Variants in PHACTR2 observed in about 807,000 individuals in gnomAD.
The protein encoded by PHACTR2 is phosphatase and actin regulator 2.
PHACTR2 carries 30 observed loss-of-function variants against 76.0 expected under a neutral mutation model. That is an observed-to-expected ratio of 0.39 (90% CI 0.30 to 0.54). PHACTR2 has a LOEUF of 0.54. Among genes scored for constraint, PHACTR2 ranks in the 20% least tolerant of loss-of-function variants. PHACTR2 has a pLI of 0.61. For synonymous variants in PHACTR2, 292 were observed against 292.5 expected (o/e 1.00, Z 0.02); for missense variants, 696 against 781.1 (o/e 0.89, Z 1.30).
At position 143,738,147 on chromosome 6, in the gene PHACTR2, C is replaced by T. The variant is rs1458502931; in HGVS notation, c.215-10838C>T. 6.6e-6 allele frequency among the ~76,000 whole-genome samples: 1 copy of T among 152,174 alleles called. No homozygotes were observed. The highest frequency in any genetic ancestry group is 1.5e-5 in the Non-Finnish European group (1 of 68,030). ...ACATTTTTGGCCAGGCGCTGTGGCC[C>T]ACGCCTGTAATCCTAGCACTTTGGG... On this transcript the variant is annotated intron_variant, in intron 2 of 12. Coordinates refer to ENST00000440869, the MANE Select transcript of PHACTR2 (RefSeq NM_001100164.2). This position sits in a 1 kb window ranked among gnomAD's most constrained non-coding sequence, Gnocchi z 4.0.
chr6:143,573,117 T>A (rs969516978), intron 1 of PHACTR2, among the ~76,000 whole-genome samples: 29 of 152,250 alleles, frequency 1.9e-4, no homozygotes, highest in African/African-American at 6.8e-4. Context: ...TCATTGTATA[T>A]TACATTCGTG....
chr6:143,629,502 T>C (rs985564427), intron 1 of PHACTR2, among the ~76,000 whole-genome samples: 1 of 152,206 alleles, frequency 6.6e-6, no homozygotes, highest in Admixed American at 6.5e-5. Flanking sequence ...GGCATCCTAA[T>C]GGTACCTCTA....
rs981007348 is a variant in PHACTR2, at chr6:143,690,726, A to C, written c.46+12517A>C. The stretch of plus-strand genomic sequence containing the variant: ...TGGGTGATGGTCACACAAGATCTCA[A>C]CTTTGACCTGGCTTGTTGCAATGGT... On this transcript the variant is annotated intron_variant, in intron 1 of 12. Coordinates refer to ENST00000440869, the MANE Select transcript of PHACTR2 (RefSeq NM_001100164.2). Among the ~76,000 whole-genome samples the C allele has an allele frequency of 3.3e-5, 5 of 152,336 alleles. No homozygotes were observed. In the South Asian group the frequency reaches 1.0e-3, roughly 32 times the overall value.
At chr6:143,741,308 C>A (rs1010601445) in intron 2 of PHACTR2, among the ~76,000 whole-genome samples, 5 of 152,066 alleles carry the variant, frequency 3.3e-5, no homozygotes, top group African/African-American at 1.2e-4. Context: ...GCCTGGCCAA[C>A]ATGGCCAAAC....
chr6:143,610,989 G>T lies in PHACTR2; in HGVS notation c.13+2667G>T, dbSNP rs1354113029. On this transcript the variant is annotated intron_variant, in intron 1 of 11. Coordinates refer to the PHACTR2 transcript ENST00000305766. This position sits in a 1 kb window ranked among gnomAD's most constrained non-coding sequence, Gnocchi z 4.9. ...TAGAATGGCACACCTGTGACTACAAGCATCATCAGCATTCTGCCAGTGCCA... is the reference window on the plus strand; with the variant it reads ...TAGAATGGCACACCTGTGACTACAATCATCATCAGCATTCTGCCAGTGCCA... Among the ~76,000 whole-genome samples the T allele has an allele frequency of 6.6e-6, 1 of 151,934 alleles. No individual in the cohort carries two copies. Among genetic ancestry groups the T allele is most frequent in the Non-Finnish European group, 1.5e-5 (1 of 67,994 alleles).
chr6:143,812,826 G>A (rs1427827586), intron 12 of PHACTR2, among the ~76,000 whole-genome samples: 3 of 152,106 alleles, frequency 2.0e-5, no homozygotes, highest in Admixed American at 6.6e-5. Context: ...TTGCATTCTC[G>A]AAGGAGACCA....
At chr6:143,635,995 G>A (rs909897598) in intron 1 of PHACTR2, among the ~76,000 whole-genome samples, 1 of 152,174 alleles carries the variant, frequency 6.6e-6, no homozygotes, top group South Asian at 2.1e-4. Flanking sequence ...ATCACTTGAG[G>A]CCAGGAGTTC....
At chr6:143,735,055 A>G (rs1778786276) in intron 2 of PHACTR2, among the ~76,000 whole-genome samples, 1 of 151,986 alleles carries the variant, frequency 6.6e-6, no homozygotes, top group African/African-American at 2.4e-5. Flanking sequence ...TTCCTGATTT[A>G]TTTCTCACTT....
At chr6:143,802,064 C>T (rs949572924) in intron 11 of PHACTR2, among the ~76,000 whole-genome samples, 10 of 152,326 alleles carry the variant, frequency 6.6e-5, no homozygotes, top group Middle Eastern at 3.4e-3. Context: ...CTGACTGGGA[C>T]TGATGAAGCA....
In PHACTR2 at chr6:143,816,799, C is replaced by G. The variant is rs569204517; in HGVS notation, c.1923-6875C>G. Among the ~76,000 whole-genome samples the G allele has an allele frequency of 3.9e-5, 6 of 152,324 alleles. No individual in the cohort carries two copies. Among genetic ancestry groups the G allele is most frequent in the Non-Finnish European group, 5.9e-5 (4 of 68,032 alleles). On this transcript the variant is annotated intron_variant, in intron 12 of 12. Coordinates refer to ENST00000440869, the MANE Select transcript of PHACTR2 (RefSeq NM_001100164.2). The surrounding 1 kb of genome is among the most constrained non-coding windows in gnomAD (Gnocchi z 4.5). Reference sequence around the variant, plus strand: ...TATCTCTTCTGGCTGGGTGCGGTGGCTCATGCCTGTAATCCCAGCACTTTG... The same window carrying G: ...TATCTCTTCTGGCTGGGTGCGGTGGGTCATGCCTGTAATCCCAGCACTTTG...
chr6:143,588,352 T>C (rs1775650992), intron 1 of PHACTR2, among the ~76,000 whole-genome samples: 1 of 152,206 alleles, frequency 6.6e-6, no homozygotes, highest in Non-Finnish European at 1.5e-5. Context: ...TTTGAGAACA[T>C]TTCATTTTTA....
intron 1 of PHACTR2, among the ~76,000 whole-genome samples, chr6:143,545,870 A>G (rs557919148): frequency 3.0e-4 from 46 of 152,346 alleles, no homozygotes; most frequent in Admixed American, 5.9e-4. Flanking sequence ...GTCTACTTTA[A>G]GGTGCATTCA....
chr6:143,729,902 CAT>C (rs1778663012), intron 2 of PHACTR2, among the ~76,000 whole-genome samples: 1 of 151,996 alleles, frequency 6.6e-6, no homozygotes, highest in Non-Finnish European at 1.5e-5. Context: ...CTTTTGGTGT[CAT>C]GTGTAAGAAA....
upstream of PHACTR2, among the ~76,000 whole-genome samples, chr6:143,674,134 A>C (rs1777202306): frequency 6.6e-6 from 1 of 152,228 alleles, no homozygotes; most frequent in Non-Finnish European, 1.5e-5. This position sits in a 1 kb window ranked among gnomAD's most constrained non-coding sequence, Gnocchi z 4.9. Context: ...ATTTAGTTGC[A>C]ACTTTACCAT....
chr6:143,756,290 T>G (rs1286975729), intron 4 of PHACTR2, among the ~76,000 whole-genome samples: 1 of 152,122 alleles, frequency 6.6e-6, no homozygotes, highest in Non-Finnish European at 1.5e-5. Context: ...GATTCTGCAG[T>G]TGGTACAGTG....
intron 11 of PHACTR2, among the ~76,000 whole-genome samples, chr6:143,797,148 C>A (rs1246027802): frequency 6.6e-6 from 1 of 152,250 alleles, no homozygotes; most frequent in African/African-American, 2.4e-5. Context: ...ATTTGCATTT[C>A]TCTCATGACC....
rs1777166457 is a variant in PHACTR2 at position 143,672,281 on chromosome 6, T to G, written c.14-39735T>G. On this transcript the variant is annotated intron_variant, in intron 1 of 11. Coordinates refer to the PHACTR2 transcript ENST00000305766. This position sits in a 1 kb window ranked among gnomAD's most constrained non-coding sequence, Gnocchi z 5.8. ...GCCTGGGCAATATAGTGAGACCCTATCTCTACAAAAAAAAAAAAAATTACA... is the reference window on the plus strand; with the variant it reads ...GCCTGGGCAATATAGTGAGACCCTAGCTCTACAAAAAAAAAAAAAATTACA... Among the ~76,000 whole-genome samples, 1 of 147,418 alleles carries G rather than the reference T, an allele frequency of 6.8e-6. No homozygotes were observed. Among genetic ancestry groups the G allele is most frequent in the African/African-American group, 2.6e-5 (1 of 37,886 alleles).
rs1471429335 is a variant in PHACTR2 at position 143,818,180 on chromosome 6, G to C, written c.1923-5494G>C. ...ATAAAATTTGATTAAAATGGACAGAGGTAGAAATTCAGATGATCACCTTTT... is the reference window on the plus strand; with the variant it reads ...ATAAAATTTGATTAAAATGGACAGACGTAGAAATTCAGATGATCACCTTTT... On this transcript the variant is annotated intron_variant, in intron 12 of 12. Transcript: ENST00000440869. This position sits in a 1 kb window ranked among gnomAD's most constrained non-coding sequence, Gnocchi z 4.9. Among the ~76,000 whole-genome samples the C allele has an allele frequency of 6.6e-6, 1 of 152,098 alleles. No homozygotes were observed. Among genetic ancestry groups the C allele is most frequent in the African/African-American group, 2.4e-5 (1 of 41,418 alleles).
At chr6:143,773,200 G>A (rs1356011484) in intron 7 of PHACTR2, among the ~76,000 whole-genome samples, 5 of 152,040 alleles carry the variant, frequency 3.3e-5, no homozygotes, top group South Asian at 2.1e-4. Flanking sequence ...GAGACAGAGC[G>A]AGACTCCATC....
Sources: gnomAD v4.1 joint callset for allele counts (sites outside exome capture counted in the v4.1 genomes callset) on GRCh38, gnomAD v4.1.1 for gene constraint, Gnocchi (gnomAD v3.1) non-coding constraint, MANE v1.5 for transcripts, NCBI Gene and HGNC (gene_info 2026-07-23, HGNC 2026-07-21) for gene names.